Variants in FER observed in about 807,000 individuals in gnomAD.
FER encodes FER tyrosine kinase.
In FER, 63 loss-of-function variants were observed where a neutral mutation model predicts 111.0. That is an observed-to-expected ratio of 0.57 (90% CI 0.46 to 0.70). The LOEUF is 0.70. Among genes scored for constraint, FER ranks in the 30% least tolerant of loss-of-function variants. FER has a pLI of 0.00. For missense variants in FER, 914 were observed against 954.0 expected (o/e 0.96, Z 0.55); for synonymous variants, 327 against 313.9 (o/e 1.04, Z -0.44).
chr5:108,773,660 A>G (rs757389378), intron 2 of FER, among the ~76,000 whole-genome samples: 1 of 152,022 alleles, frequency 6.6e-6, no homozygotes, highest in Non-Finnish European at 1.5e-5. Context: ...GAACATATGC[A>G]TGCATGTATC....
chr5:109,103,060 A>G (rs971873610), intron 17 of FER, among the ~76,000 whole-genome samples: 7 of 152,160 alleles, frequency 4.6e-5, no homozygotes, highest in African/African-American at 1.7e-4. Context: ...CCTCACTGAA[A>G]AAATTTTTAA....
At chr5:108,872,003 T>C in intron 7 of FER, 90 bp from the exon 8 acceptor site, 1 of 1,293,364 alleles carries the variant, frequency 7.7e-7, no homozygotes. Context: ...TAATTTTGGA[T>C]AAAAACAAAT....
At chr5:109,089,526 A>G (rs550171565) in intron 16 of FER, among the ~76,000 whole-genome samples, 47 of 152,290 alleles carry the variant, frequency 3.1e-4, no homozygotes, top group South Asian at 2.3e-3. Flanking sequence ...GCAAGATGGC[A>G]GAATAGAAAG....
intron 3 of FER, among the ~76,000 whole-genome samples, chr5:108,805,666 C>A (rs1298580444): frequency 6.6e-6 from 1 of 152,096 alleles, no homozygotes; most frequent in Non-Finnish European, 1.5e-5. Context: ...ACAGGTGACT[C>A]TTGTTTTGTT....
At chr5:108,781,553 G>A (rs1754079875) in intron 2 of FER, among the ~76,000 whole-genome samples, 1 of 152,206 alleles carries the variant, frequency 6.6e-6, no homozygotes, top group Non-Finnish European at 1.5e-5. Context: ...TGAAGCTGAT[G>A]TCTTGGGTAA....
chr5:108,861,770 G>T (rs1763546405), intron 5 of FER, among the ~76,000 whole-genome samples: 1 of 152,074 alleles, frequency 6.6e-6, no homozygotes, highest in African/African-American at 2.4e-5. Context: ...CAATAATTTT[G>T]TTAAGTAAAA....
chr5:108,878,403 A>G (rs964843864), intron 8 of FER, among the ~76,000 whole-genome samples: 2 of 152,178 alleles, frequency 1.3e-5, no homozygotes, highest in Non-Finnish European at 2.9e-5. Context: ...GAATGTATAT[A>G]CAATGTATAT....
At chr5:109,145,072 TTA>T (rs1174208955) in intron 17 of FER, among the ~76,000 whole-genome samples, 7 of 151,998 alleles carry the variant, frequency 4.6e-5, no homozygotes, top group Admixed American at 6.6e-5. Flanking sequence ...AGCTTTATTG[TTA>T]TGTTTCAAAT....
At chr5:108,785,872 G>C (rs910099308) in intron 2 of FER, among the ~76,000 whole-genome samples, 14 of 152,214 alleles carry the variant, frequency 9.2e-5, no homozygotes, top group African/African-American at 2.7e-4. Context: ...TGTTCTTCTT[G>C]TTGTAGGGTT....
intron 13 of FER, among the ~76,000 whole-genome samples, chr5:108,980,999 A>T (rs78035858): frequency 6.6e-6 from 1 of 152,170 alleles, no homozygotes; most frequent in Admixed American, 6.5e-5. Context: ...CTGTTGGAAA[A>T]TGACATCAAT....
chr5:109,184,003 AAAAAT>A (rs753082660), intron 18 of FER, among the ~76,000 whole-genome samples: 2 of 152,204 alleles, frequency 1.3e-5, no homozygotes, highest in Non-Finnish European at 2.9e-5. Flanking sequence ...TACTTTAAAA[AAAAAT>A]ACAAAATGGT....
chr5:108,858,102 C>A (rs1022553239), intron 5 of FER, among the ~76,000 whole-genome samples: 1 of 152,154 alleles, frequency 6.6e-6, no homozygotes, highest in Non-Finnish European at 1.5e-5. Context: ...TTCATGTACA[C>A]CTGTGCTTTC....
Position 109,013,299 on chromosome 5 carries a change from A to G in FER, c.1657-24123A>G, listed in dbSNP as rs569578965. Reference sequence around the variant, plus strand: ...CTGTGTCCATGTGTTCTCATTGTTCAATTCCCACCTATGAGTGAGAACTTG... The same window carrying G: ...CTGTGTCCATGTGTTCTCATTGTTCGATTCCCACCTATGAGTGAGAACTTG... On this transcript the variant is annotated intron_variant, in intron 13 of 19. Coordinates refer to ENST00000281092, the MANE Select transcript of FER (RefSeq NM_005246.4). 2.1e-4 allele frequency among the ~76,000 whole-genome samples: 29 copies of G among 135,206 alleles called. No homozygotes were observed. The Admixed American group carries it at 2.4e-3, about 11-fold the overall frequency. The allele number at this position is 135,206 out of a possible 152,430, so 88.7% of individuals were successfully genotyped here. A position where few individuals can be genotyped will look rare whatever the true frequency, so the allele number is the denominator to read the frequency against.
At chr5:109,010,780 G>A (rs983326497) in intron 13 of FER, among the ~76,000 whole-genome samples, 4 of 151,902 alleles carry the variant, frequency 2.6e-5, no homozygotes, top group African/African-American at 7.3e-5. Flanking sequence ...CTGCCCTCTC[G>A]TTTTCTACCT....
At chr5:108,953,183 G>A (rs990612185) in intron 11 of FER, among the ~76,000 whole-genome samples, 1 of 151,696 alleles carries the variant, frequency 6.6e-6, no homozygotes, top group Non-Finnish European at 1.5e-5. Flanking sequence ...TATACAAAAA[G>A]TTAATTTTGT....
intron 2 of FER, chr5:108,782,765 A>C (rs1754239323): frequency 6.6e-6 from 1 of 152,260 alleles, no homozygotes; most frequent in Non-Finnish European, 1.5e-5. Context: ...GGTATGAGCC[A>C]CTGTGCAAGG....
intron 2 of FER, among the ~76,000 whole-genome samples, chr5:108,785,793 G>A (rs574540558): frequency 2.0e-5 from 3 of 152,286 alleles, no homozygotes; most frequent in African/African-American, 7.2e-5. Flanking sequence ...GGCTGTGGCT[G>A]GGAAAAACCA....
intron 5 of FER, among the ~76,000 whole-genome samples, chr5:108,852,888 A>G (rs1762662607): frequency 6.6e-6 from 1 of 152,162 alleles, no homozygotes; most frequent in African/African-American, 2.4e-5. Flanking sequence ...AATCTCATTA[A>G]ACACTGAAAT....
chr5:108,930,961 G>A (rs1754585041), intron 10 of FER, among the ~76,000 whole-genome samples: 1 of 151,990 alleles, frequency 6.6e-6, no homozygotes, highest in African/African-American at 2.4e-5. Flanking sequence ...TATCAGTGTA[G>A]GGAAGGAAGA....
Sources: gnomAD v4.1 joint callset for allele counts (sites outside exome capture counted in the v4.1 genomes callset) on GRCh38, gnomAD v4.1.1 for gene constraint, MANE v1.5 for transcripts, NCBI Gene and HGNC (gene_info 2026-07-23, HGNC 2026-07-21) for gene names.